Variants in TESPA1 observed in about 807,000 individuals in gnomAD.
The protein encoded by TESPA1 is thymocyte expressed, positive selection associated 1.
In TESPA1, 33 loss-of-function variants were observed where a neutral mutation model predicts 57.9. The observed-to-expected ratio is 0.57, with a 90% CI of 0.43 to 0.76. The LOEUF (loss-of-function observed/expected upper bound fraction) is 0.76, where lower values mean the gene tolerates loss of function less well. TESPA1 is among the 30% of genes least tolerant of loss of function. TESPA1 has a pLI of 0.00. For synonymous variants in TESPA1, 227 were observed against 228.9 expected (o/e 0.99, Z 0.07); for missense variants, 618 against 632.9 (o/e 0.98, Z 0.25).
At chr12:54,983,984 T>C (rs967413451) in intron 1 of TESPA1, 1 of 152,214 alleles carries the variant, frequency 6.6e-6, no homozygotes, top group Non-Finnish European at 1.5e-5. Flanking sequence ...CCCGGTGAAT[T>C]TGACCTTACC....
intron 1 of TESPA1, chr12:54,981,639 G>A (rs1161377245): frequency 6.6e-6 from 1 of 152,030 alleles, no homozygotes; most frequent in Non-Finnish European, 1.5e-5. Flanking sequence ...ACCTAATCCT[G>A]TTCACTCATT....
chr12:54,961,121 A>G, intron 10 of TESPA1, 47 bp downstream of exon 10: 1 of 1,607,042 alleles, frequency 6.2e-7, no homozygotes, highest in Non-Finnish European at 8.5e-7. Flanking sequence ...TCATTTGATT[A>G]CAATGTGCAG....
Position 54,963,730 on chromosome 12 carries a change from A to T in TESPA1, c.655+12T>A, listed in dbSNP as rs1035452493. On this transcript the variant is annotated intron_variant, in intron 8 of 10. Coordinates refer to ENST00000449076, the MANE Select transcript of TESPA1 (RefSeq NM_001136030.3). ...AAGGGAAGTAGAGCAGGTGCCTGGGAGGGACACTCACTGGCCAGCATGAGG... is the reference window on the plus strand; with the variant it reads ...AAGGGAAGTAGAGCAGGTGCCTGGGTGGGACACTCACTGGCCAGCATGAGG... 3 of 1,608,220 alleles carry T rather than the reference A, an allele frequency of 1.9e-6. No homozygotes were observed. The highest frequency in any genetic ancestry group is 2.5e-6 in the Non-Finnish European group (3 of 1,177,604).
rs372659748 is a variant in TESPA1, at chr12:54,967,877, T to C, written c.222A>G (p.Gly74=). ...WLQDCGYSEE[G]FSEEAGQFIY... is the part of the protein sequence containing the mutation. ...TAAACTGTCCTGCTTCCTCAGAAAA[T>C]CCTTCTTCAGAGTATCTAAACCAAA... Residue 74 remains glycine (G), a synonymous_variant, in exon 4 of 11, where the codon GGA becomes GGG. Coordinates refer to ENST00000449076, the MANE Select transcript of TESPA1 (RefSeq NM_001136030.3). The C allele has an allele frequency of 5.0e-5, 80 of 1,613,564 alleles. No individual in the cohort carries two copies. Among genetic ancestry groups the C allele is most frequent in the Non-Finnish European group, 6.4e-5 (75 of 1,179,740 alleles).
At chr12:54,972,764 T>C (rs1159436907) in intron 3 of TESPA1, among the ~76,000 whole-genome samples, 1 of 152,206 alleles carries the variant, frequency 6.6e-6, no homozygotes, top group African/African-American at 2.4e-5. Flanking sequence ...TGCCAATTAA[T>C]AGATGAGTTT....
rs10580548 is a variant in TESPA1, at chr12:54,949,379, GTTTTTTTTT to G, written c.*1004_*1012del. ...AATTCCCTCAAGTCCCTCTCTTCCT[GTTTTTTTTT>G]TTTTTTTCTTTTGTCTCACAATTTA... On this transcript the variant is annotated 3_prime_UTR_variant, in exon 11 of 11. Coordinates refer to ENST00000449076, the MANE Select transcript of TESPA1 (RefSeq NM_001136030.3). 7.8e-5 allele frequency: 11 copies of G among 141,656 alleles called. No homozygotes were observed. The highest frequency in any genetic ancestry group is 1.7e-4 in the Non-Finnish European group (11 of 65,254). The allele number at this position is 141,656 out of a possible 1,614,324, so 8.8% of individuals were successfully genotyped here.
Position 54,963,833 on chromosome 12 carries a change from G to C in TESPA1, c.564C>G (p.Thr188=), listed in dbSNP as rs1951241824. The C allele has an allele frequency of 6.2e-7, 1 of 1,613,846 alleles. No homozygotes were observed. Among genetic ancestry groups the C allele is most frequent in the African/African-American group, 1.3e-5 (1 of 74,920 alleles). ...AATCAATGCCCTTGGCCTGAGAGGG[G>C]GTGGTGAAAAATCGGGCGGGTATCC... ...TSRIPARFFT[T]PSQAKGIDFQ... The change falls in exon 8 of 11, where the codon ACC becomes ACG. Residue 188 remains threonine (T), a synonymous_variant. Coordinates refer to ENST00000449076, the MANE Select transcript of TESPA1 (RefSeq NM_001136030.3).
At chr12:54,973,561 A>G (rs368968302) in intron 2 of TESPA1, 42 bp from the exon 3 acceptor site, 18 of 1,613,718 alleles carry the variant, frequency 1.1e-5, no homozygotes, top group Non-Finnish European at 1.4e-5. Context: ...AACTGAACGA[A>G]ATCAGACCTC....
chr12:54,973,668 G>A (rs1161500787), intron 2 of TESPA1, 149 bp from the exon 3 acceptor site: 26 of 1,462,724 alleles, frequency 1.8e-5, no homozygotes, highest in Non-Finnish European at 2.3e-5. Flanking sequence ...GATATGAGAG[G>A]AATACACCGT....
At chr12:54,971,943 C>T (rs1951858210) in intron 3 of TESPA1, among the ~76,000 whole-genome samples, 2 of 152,064 alleles carry the variant, frequency 1.3e-5, no homozygotes, top group African/African-American at 4.8e-5. Context: ...CTTTATAAAA[C>T]TCACCAGTCA....
chr12:54,967,075 C>T (rs2136134237), intron 5 of TESPA1, 108 bp downstream of exon 5: 1 of 1,266,342 alleles, frequency 7.9e-7, no homozygotes, highest in East Asian at 2.5e-5. Flanking sequence ...GATAAGACCC[C>T]AGGGATGGGC....
chr12:54,963,214 A>G lies in TESPA1; in HGVS notation c.684T>C (p.Ala228=), dbSNP rs1483755732. The change falls in exon 9 of 11, where the codon GCT becomes GCC. Residue 228 remains alanine (A), a synonymous_variant. Coordinates refer to ENST00000449076, the MANE Select transcript of TESPA1 (RefSeq NM_001136030.3). The stretch of plus-strand genomic sequence containing the variant: ...GACAGAAGAAGGCATCAGCAGTGAC[A>G]GCCAGTGTTTGCACCTGCTTAAACC... The part of the protein sequence containing the change: ...ASRFKQVQTL[A]VTADAFFCLY... The G allele has an allele frequency of 1.9e-6, 3 of 1,613,396 alleles. No homozygotes were observed. The highest frequency in any genetic ancestry group is 2.5e-6 in the Non-Finnish European group (3 of 1,179,742).
At chr12:54,965,079 CTT>C (rs761062548) in intron 7 of TESPA1, among the ~76,000 whole-genome samples, 3 of 152,188 alleles carry the variant, frequency 2.0e-5, no homozygotes, top group Non-Finnish European at 1.5e-5. Flanking sequence ...GTTTTCCTGA[CTT>C]TTCATCTTTT....
intron 7 of TESPA1, 99 bp from the exon 8 acceptor site, chr12:54,964,049 CT>C (rs1411304518): frequency 4.8e-6 from 6 of 1,239,236 alleles, no homozygotes; most frequent in Non-Finnish European, 6.9e-6. Context: ...GACTGAAATT[CT>C]TTTCTGTCCA....
Position 54,962,734 on chromosome 12 carries a change from T to C in TESPA1, c.1164A>G (p.Val388=). The change falls in exon 9 of 11, where the codon GTA becomes GTG. Residue 388 remains valine (V), a synonymous_variant. Coordinates refer to ENST00000449076, the MANE Select transcript of TESPA1 (RefSeq NM_001136030.3). ...TGGGCAGAGAATGTGTGCAACAGGG[T>C]ACCTTGGGGTTCGAATCCAGAGTTT... is the stretch of plus-strand genomic sequence containing the variant. The part of the protein sequence containing the change: ...PSQTLDSNPK[V]PCCTHSLPIE... 6.2e-7 allele frequency: 1 copy of C among 1,613,900 alleles called. No individual in the cohort carries two copies. Among genetic ancestry groups the C allele is most frequent in the Non-Finnish European group, 8.5e-7 (1 of 1,179,862 alleles).
chr12:54,983,974 C>T (rs766799916), intron 1 of TESPA1: 3 of 152,226 alleles, frequency 2.0e-5, no homozygotes, highest in African/African-American at 4.8e-5. Flanking sequence ...TCTTGAGCCT[C>T]CCGGTGAATT....
At chr12:54,975,908 A>T (rs1292917608) in intron 1 of TESPA1, among the ~76,000 whole-genome samples, 1 of 152,188 alleles carries the variant, frequency 6.6e-6, no homozygotes, top group Non-Finnish European at 1.5e-5. Context: ...GGAAAAAATA[A>T]TACATAATTA....
At position 54,948,926 on chromosome 12, in the gene TESPA1, A is replaced by G. The variant is rs1382623151; in HGVS notation, c.*1466T>C. On this transcript the variant is annotated 3_prime_UTR_variant, in exon 11 of 11. Transcript: ENST00000449076. ...TAGAAAATTTGCTGTAGTTCTTTCT[A>G]TTTCTTGAGATCTAAATCTTCTTCC... 6 of 152,140 alleles carry G rather than the reference A, an allele frequency of 3.9e-5. No individual in the cohort carries two copies. The highest frequency in any genetic ancestry group is 1.3e-4 in the Admixed American group (2 of 15,286). 9.4% of individuals were successfully genotyped at this position (152,140 alleles called of 1,614,324 possible). A position where few individuals can be genotyped will look rare whatever the true frequency, so the allele number is the denominator to read the frequency against.
Position 54,948,794 on chromosome 12 carries a change from AT to A in TESPA1, c.*1597del, listed in dbSNP as rs1950218981. 6.6e-6 allele frequency: 1 copy of A among 152,280 alleles called. No individual in the cohort carries two copies. Among genetic ancestry groups the A allele is most frequent in the Non-Finnish European group, 1.5e-5 (1 of 68,040 alleles). The allele number at this position is 152,280 out of a possible 1,614,324, so 9.4% of individuals were successfully genotyped here. A position where few individuals can be genotyped will look rare whatever the true frequency, so the allele number is the denominator to read the frequency against. Reference sequence around the variant, plus strand: ...AGTTCTTTAAATGAAATATTGTCAGATATTTCTGTTCTCTTGTGACAAGATA... The same window carrying A: ...AGTTCTTTAAATGAAATATTGTCAGAATTTCTGTTCTCTTGTGACAAGATA... On this transcript the variant is annotated 3_prime_UTR_variant, in exon 11 of 11. Transcript: ENST00000449076.
Sources: gnomAD v4.1 joint callset for allele counts (sites outside exome capture counted in the v4.1 genomes callset) on GRCh38, gnomAD v4.1.1 for gene constraint, MANE v1.5 for transcripts, NCBI Gene and HGNC (gene_info 2026-07-23, HGNC 2026-07-21) for gene names.